The following PITPNB variants were observed in gnomAD, a reference collection of about 807,000 sequenced individuals.
PITPNB encodes the protein phosphatidylinositol transfer protein beta, also known as phosphatidylinositol transfer protein beta isoform.
In PITPNB, 16 loss-of-function variants were observed where a neutral mutation model predicts 45.9. The observed-to-expected ratio is 0.35, with a 90% CI of 0.24 to 0.53. The LOEUF is 0.53. Ranked by LOEUF, PITPNB falls within the 20% of genes least tolerant of loss-of-function variation. The probability of loss-of-function intolerance (pLI) is 0.93; values close to 1 mark genes in which losing one functional copy is unlikely to be tolerated. For missense variants in PITPNB, 188 were observed against 330.5 expected (o/e 0.57, Z 3.34); for synonymous variants, 112 against 108.9 (o/e 1.03, Z -0.18).
At chr22:27,885,749 A>AT (rs776799069) in intron 7 of PITPNB, among the ~76,000 whole-genome samples, 40 of 152,124 alleles carry the variant, frequency 2.6e-4, no homozygotes, top group Non-Finnish European at 5.4e-4. Context: ...AGTAGATTTT[A>AT]TTTTTTCATT....
chr22:27,918,402 C>G (rs1010913018), intron 1 of PITPNB, among the ~76,000 whole-genome samples: 1 of 152,184 alleles, frequency 6.6e-6, no homozygotes, highest in Non-Finnish European at 1.5e-5. Flanking sequence ...CATTCAGAGG[C>G]AAGCAGATTT....
At chr22:27,896,158 T>TG (rs1935425430) in intron 6 of PITPNB, among the ~76,000 whole-genome samples, 1 of 152,232 alleles carries the variant, frequency 6.6e-6, no homozygotes, top group Non-Finnish European at 1.5e-5. Flanking sequence ...CCCATACCCT[T>TG]GCAAAGCAGA....
At chr22:27,876,815 G>T (rs368136440) in intron 7 of PITPNB, among the ~76,000 whole-genome samples, 1 of 152,222 alleles carries the variant, frequency 6.6e-6, no homozygotes, top group African/African-American at 2.4e-5. Flanking sequence ...ATGAGCAATA[G>T]TGTGGAATGA....
chr22:27,870,016 G>A (rs1181795412), intron 8 of PITPNB, among the ~76,000 whole-genome samples: 1 of 152,126 alleles, frequency 6.6e-6, no homozygotes, highest in African/African-American at 2.4e-5. Context: ...TCACACAATT[G>A]CCAATGATGC....
intron 7 of PITPNB, among the ~76,000 whole-genome samples, chr22:27,882,065 G>A (rs1934989864): frequency 6.6e-6 from 1 of 152,172 alleles, no homozygotes; most frequent in Admixed American, 6.5e-5. Flanking sequence ...CTCAGAGAAT[G>A]TATGATCAAA....
At chr22:27,858,366 C>T in intron 10 of PITPNB, 21 bp downstream of exon 10, 2 of 1,580,972 alleles carry the variant, frequency 1.3e-6, no homozygotes, top group Non-Finnish European at 1.7e-6. Context: ...TAGAGAATTG[C>T]CATAGAACAG....
At chr22:27,859,408 G>C (rs961997739) in intron 9 of PITPNB, among the ~76,000 whole-genome samples, 20 of 152,134 alleles carry the variant, frequency 1.3e-4, no homozygotes, top group Non-Finnish European at 2.5e-4. Flanking sequence ...TAATTGTGGA[G>C]ATCTGAGATA....
chr22:27,881,609 T>C (rs1934974668), intron 7 of PITPNB, among the ~76,000 whole-genome samples: 1 of 152,168 alleles, frequency 6.6e-6, no homozygotes, highest in Non-Finnish European at 1.5e-5. Flanking sequence ...AGACTTCTAA[T>C]AAACAAAAGC....
At position 27,903,519 on chromosome 22, in the gene PITPNB, T is replaced by TA. The variant is rs1377843386; in HGVS notation, c.198-5628dup. Among the ~76,000 whole-genome samples the TA allele has an allele frequency of 2.0e-5, 3 of 149,356 alleles. No homozygotes were observed. The East Asian group carries it at 5.9e-4, about 29-fold the overall frequency. On this transcript the variant is annotated intron_variant, in intron 3 of 11. Coordinates refer to ENST00000335272, the MANE Select transcript of PITPNB (RefSeq NM_012399.5). ...AGCCAAGGCCAGTGGCTCACACCTG[T>TA]AATCCCAGTACTTTGGGAGGCTGAA...
At chr22:27,908,551 C>T (rs541605116) in intron 3 of PITPNB, among the ~76,000 whole-genome samples, 3 of 151,970 alleles carry the variant, frequency 2.0e-5, no homozygotes, top group African/African-American at 7.2e-5. Context: ...AAATTTTATA[C>T]ATCAAACTTT....
At chr22:27,859,644 G>A (rs1312525403) in intron 9 of PITPNB, among the ~76,000 whole-genome samples, 1 of 152,206 alleles carries the variant, frequency 6.6e-6, no homozygotes, top group East Asian at 1.9e-4. Context: ...GTGTACCTTA[G>A]TTCACAGTGT....
At chr22:27,887,240 C>T (rs1057515219) in intron 7 of PITPNB, among the ~76,000 whole-genome samples, 2 of 152,164 alleles carry the variant, frequency 1.3e-5, no homozygotes, top group African/African-American at 2.4e-5. Context: ...AGTAGTCACA[C>T]GATCTCCCAT....
chr22:27,882,837 T>C (rs533273245), intron 7 of PITPNB, among the ~76,000 whole-genome samples: 2 of 152,358 alleles, frequency 1.3e-5, no homozygotes, highest in East Asian at 1.9e-4. Context: ...CACTTCAGCA[T>C]GTCCGCGATT....
intron 7 of PITPNB, among the ~76,000 whole-genome samples, chr22:27,889,644 C>T (rs971290335): frequency 6.6e-6 from 1 of 152,128 alleles, no homozygotes; most frequent in Non-Finnish European, 1.5e-5. Flanking sequence ...CACTTTGGAC[C>T]ACGCTGTAAG....
intron 8 of PITPNB, among the ~76,000 whole-genome samples, chr22:27,868,825 G>A (rs1202833507): frequency 6.6e-6 from 1 of 152,112 alleles, no homozygotes; most frequent in Non-Finnish European, 1.5e-5. Flanking sequence ...AGCCCTATAA[G>A]GAAGAGACGC....
chr22:27,852,830 T>C lies in PITPNB; in HGVS notation c.*872A>G, dbSNP rs1470414840. On this transcript the variant is annotated 3_prime_UTR_variant, in exon 12 of 12. Coordinates refer to ENST00000335272, the MANE Select transcript of PITPNB (RefSeq NM_012399.5). ...AAGACTAATTTCTTCATCAATGTGT[T>C]TGTCTAACAGGAGCCTGAAAACTGT... is the stretch of plus-strand genomic sequence containing the variant. 6.6e-6 allele frequency: 1 copy of C among 152,654 alleles called. No individual in the cohort carries two copies. The highest frequency in any genetic ancestry group is 1.5e-5 in the Non-Finnish European group (1 of 68,034). 9.5% of individuals were successfully genotyped at this position (152,654 alleles called of 1,614,324 possible). A position where few individuals can be genotyped will look rare whatever the true frequency, so the allele number is the denominator to read the frequency against.
chr22:27,862,913 T>G (rs963113360), intron 8 of PITPNB, among the ~76,000 whole-genome samples: 1 of 152,242 alleles, frequency 6.6e-6, no homozygotes, highest in Admixed American at 6.5e-5. Flanking sequence ...TGCAGGCCCC[T>G]GGCACTTAAG....
In PITPNB at chr22:27,892,099, A is replaced by G. The variant is rs531943595; in HGVS notation, c.456+2456T>C. ...TTTTCACTAGCTATCCACCCCAAAC[A>G]TCACCATTTTCACACAGAGAACTAC... On this transcript the variant is annotated intron_variant, in intron 7 of 11. Transcript: ENST00000335272. Among the ~76,000 whole-genome samples the G allele has an allele frequency of 4.6e-5, 7 of 152,216 alleles. No individual in the cohort carries two copies. The South Asian group carries it at 1.2e-3, about 27-fold the overall frequency.
intron 8 of PITPNB, among the ~76,000 whole-genome samples, chr22:27,862,764 AAATGTAGCT>A (rs1192876102): frequency 6.6e-6 from 1 of 152,206 alleles, no homozygotes; most frequent in African/African-American, 2.4e-5. Context: ...CAGGGGACAT[AAATGTAGCT>A]AATAGAGAAG....
Sources: allele counts gnomAD v4.1 joint callset (sites outside exome capture counted in the v4.1 genomes callset), GRCh38; gene constraint gnomAD v4.1.1; transcripts MANE v1.5; gene names NCBI Gene and HGNC (gene_info 2026-07-23, HGNC 2026-07-21).